The following ATXN2 variants were observed in gnomAD, a reference collection of about 807,000 sequenced individuals.
ATXN2 encodes ataxin-2.
ATXN2 carries 37 observed loss-of-function variants against 138.6 expected under a neutral mutation model. That is an observed-to-expected ratio of 0.27 (90% CI 0.21 to 0.35). The LOEUF is 0.35. Ranked by LOEUF, ATXN2 falls within the 10% of genes least tolerant of loss-of-function variation. The pLI is 1.00. For missense variants in ATXN2, 1,216 were observed against 1,480.3 expected (o/e 0.82, Z 2.93); for synonymous variants, 549 against 543.7 (o/e 1.01, Z -0.13).
intron 18 of ATXN2, among the ~76,000 whole-genome samples, chr12:111,483,238 C>A (rs1008620604): frequency 1.8e-4 from 27 of 146,788 alleles, no homozygotes; most frequent in Non-Finnish European, 3.3e-4. Context: ...CACACACACA[C>A]AAAACACCCA....
intron 1 of ATXN2, chr12:111,597,952 AAC>A (rs1337237370): frequency 8.0e-7 from 1 of 1,245,408 alleles, no homozygotes; most frequent in African/African-American, 1.5e-5. Flanking sequence ...TGCGGCCTCG[AAC>A]AGCAATGCGG....
Position 111,453,577 on chromosome 12 carries a change from T to A in ATXN2, c.3439+100A>T. The A allele has an allele frequency of 6.9e-7, 1 of 1,452,410 alleles. No homozygotes were observed. Among genetic ancestry groups the A allele is most frequent in the Non-Finnish European group, 9.1e-7 (1 of 1,100,688 alleles). The allele number at this position is 1,452,410 out of a possible 1,614,324, so 90.0% of individuals were successfully genotyped here. A position where few individuals can be genotyped will look rare whatever the true frequency, so the allele number is the denominator to read the frequency against. ...ACTCCTGGACGGGTCTTGCTAGTTC[T>A]CAAATGCGGGGCTTGAAGCACTGGC... On this transcript the variant is annotated intron_variant, in intron 24 of 24. Transcript: ENST00000673436. The surrounding 1 kb of genome is among the most constrained non-coding windows in gnomAD (Gnocchi z 5.4).
chr12:111,483,491 G>A (rs1225310427), intron 18 of ATXN2, among the ~76,000 whole-genome samples: 1 of 109,452 alleles, frequency 9.1e-6, no homozygotes, highest in Non-Finnish European at 1.7e-5. Flanking sequence ...GTCTCGCTCT[G>A]TCACCCAGGC....
intron 14 of ATXN2, among the ~76,000 whole-genome samples, chr12:111,497,157 C>G (rs1246437569): frequency 6.6e-6 from 1 of 152,002 alleles, no homozygotes. Flanking sequence ...CAAGACTGAA[C>G]CACAAAGAAA....
chr12:111,572,447 C>T (rs1433691369), intron 1 of ATXN2, among the ~76,000 whole-genome samples: 1 of 151,586 alleles, frequency 6.6e-6, no homozygotes, highest in Non-Finnish European at 1.5e-5. Flanking sequence ...CGAAGTTTGA[C>T]AGGCCTTGGA....
intron 5 of ATXN2, among the ~76,000 whole-genome samples, chr12:111,530,711 G>A (rs1880773382): frequency 6.6e-6 from 1 of 152,244 alleles, no homozygotes. Context: ...CTACTCGGGA[G>A]GCTGAGGCAG....
chr12:111,474,998 G>C (rs1876690466), intron 18 of ATXN2, among the ~76,000 whole-genome samples: 1 of 152,122 alleles, frequency 6.6e-6, no homozygotes, highest in South Asian at 2.1e-4. Context: ...CGGATCACGA[G>C]GTCAGGAGAT....
At chr12:111,501,134 C>T (rs767261811) in intron 14 of ATXN2, among the ~76,000 whole-genome samples, 5 of 151,962 alleles carry the variant, frequency 3.3e-5, no homozygotes, top group South Asian at 2.1e-4. Flanking sequence ...ATGAATAATA[C>T]GTCTACTATG....
intron 14 of ATXN2, among the ~76,000 whole-genome samples, chr12:111,495,523 A>G (rs1015932517): frequency 1.3e-5 from 2 of 152,184 alleles, no homozygotes; most frequent in African/African-American, 4.8e-5. Context: ...TGATAAAGGG[A>G]TCAATTCGGC....
intron 1 of ATXN2, among the ~76,000 whole-genome samples, chr12:111,566,448 GA>G (rs112642968): frequency 1.1e-3 from 147 of 130,094 alleles, no homozygotes; most frequent in Middle Eastern, 3.8e-3. Context: ...CAAAAAAAAA[GA>G]AAAAAAAAAA....
At chr12:111,488,432 A>C (rs754992156) in intron 15 of ATXN2, 44 bp downstream of exon 15, 226 of 1,550,028 alleles carry the variant, frequency 1.5e-4, no homozygotes, top group Non-Finnish European at 1.9e-4. Flanking sequence ...AAAAAAAAAA[A>C]GTTAATTGAG....
At chr12:111,595,417 G>A (rs545149552) in intron 1 of ATXN2, among the ~76,000 whole-genome samples, 29 of 152,168 alleles carry the variant, frequency 1.9e-4, no homozygotes, top group African/African-American at 6.7e-4. Context: ...CGAGGCGGGC[G>A]CATCACCTGA....
intron 10 of ATXN2, among the ~76,000 whole-genome samples, chr12:111,515,946 A>G (rs1879831759): frequency 6.6e-6 from 1 of 152,252 alleles, no homozygotes; most frequent in African/African-American, 2.4e-5. Context: ...CTTTTTAACA[A>G]CAATTCAAGA....
chr12:111,516,297 G>T lies in ATXN2; in HGVS notation c.1232C>A (p.Pro411His), dbSNP rs994893022. 1.9e-6 allele frequency: 3 copies of T among 1,583,074 alleles called. No homozygotes were observed. The highest frequency in any genetic ancestry group is 2.6e-6 in the Non-Finnish European group (3 of 1,169,534). The change falls in exon 10 of 25, where the codon CCC becomes CAC. Residue 411 changes from proline to histidine, a missense_variant. Physicochemically the swap from Pro to His is moderately conservative, Grantham distance 77. Coordinates refer to ENST00000673436, the MANE Select transcript of ATXN2 (RefSeq NM_001372574.1). The surrounding 1 kb of genome is among the most constrained non-coding windows in gnomAD (Gnocchi z 5.0). ...GGCTGCCCGAGGTGGAAGAGAGTTGGGACCTGACTGGTAGCGAGAAGGTGG... is the reference window on the plus strand; with the variant it reads ...GGCTGCCCGAGGTGGAAGAGAGTTGTGACCTGACTGGTAGCGAGAAGGTGG... ...SRPPSRYQSG[P>H]NSLPPRAATP...
rs1880127568 is a variant in ATXN2, at chr12:111,520,991, T to A, written c.697-18A>T. 6.7e-7 allele frequency: 1 copy of A among 1,483,532 alleles called. No individual in the cohort carries two copies. The highest frequency in any genetic ancestry group is 1.4e-5 in the African/African-American group (1 of 71,616). The allele number at this position is 1,483,532 out of a possible 1,614,324, so 91.9% of individuals were successfully genotyped here. A position where few individuals can be genotyped will look rare whatever the true frequency, so the allele number is the denominator to read the frequency against. ...CCATTAGACTAGAAGAAAATGAAGC[T>A]TGTTTTTCAAAATGTCAAAGTAGTT... is the stretch of plus-strand genomic sequence containing the variant. On this transcript the variant is annotated intron_variant, in intron 6 of 24. Transcript: ENST00000673436.
intron 5 of ATXN2, among the ~76,000 whole-genome samples, chr12:111,535,631 CAAAAA>C (rs1566049265): frequency 6.7e-6 from 1 of 149,626 alleles, no homozygotes; most frequent in South Asian, 2.1e-4. Flanking sequence ...CAAAAACAAA[CAAAAA>C]AAGAAGGCAC....
At chr12:111,475,947 C>T (rs754429968) in intron 18 of ATXN2, among the ~76,000 whole-genome samples, 3 of 151,866 alleles carry the variant, frequency 2.0e-5, no homozygotes, top group African/African-American at 4.8e-5. Context: ...TCCATCTATG[C>T]GCACGCATAC....
At chr12:111,563,916 A>T (rs936268371) in intron 1 of ATXN2, among the ~76,000 whole-genome samples, 3 of 152,160 alleles carry the variant, frequency 2.0e-5, no homozygotes, top group Non-Finnish European at 4.4e-5. Context: ...TTAGATCTGT[A>T]TTATAATTAC....
intron 5 of ATXN2, among the ~76,000 whole-genome samples, chr12:111,534,916 A>C (rs1238167662): frequency 6.6e-6 from 1 of 151,948 alleles, no homozygotes; most frequent in Non-Finnish European, 1.5e-5. Flanking sequence ...GGGAGGATCA[A>C]GTGAGCCCAG....
Sources: gnomAD v4.1 joint callset for allele counts (sites outside exome capture counted in the v4.1 genomes callset) on GRCh38, gnomAD v4.1.1 for gene constraint, Gnocchi (gnomAD v3.1) non-coding constraint, MANE v1.5 for transcripts, NCBI Gene and HGNC (gene_info 2026-07-23, HGNC 2026-07-21) for gene names.